PTPRD: variants seen among roughly 807,000 people sequenced by gnomAD.
PTPRD encodes protein tyrosine phosphatase receptor type D.
In PTPRD, 34 loss-of-function variants were observed where a neutral mutation model predicts 214.5. The ratio of observed to expected loss-of-function variants is 0.16; its 90% CI spans 0.12 to 0.21. The LOEUF (loss-of-function observed/expected upper bound fraction) is 0.21, where lower values mean the gene tolerates loss of function less well. PTPRD is among the 10% of genes least tolerant of loss of function. The pLI, the probability that PTPRD is intolerant of heterozygous loss-of-function variation, is 1.00. For synonymous variants in PTPRD, 1,128 were observed against 845.7 expected (o/e 1.33, Z -5.79); for missense variants, 2,545 against 2,398.7 (o/e 1.06, Z -1.27).
At chr9:10,559,086 T>G (rs961725364) in intron 2 of PTPRD, among the ~76,000 whole-genome samples, 7 of 152,078 alleles carry the variant, frequency 4.6e-5, no homozygotes, top group African/African-American at 1.7e-4. Context: ...ACAAATGTAA[T>G]ATGAGTTAAA....
At chr9:9,436,673 T>C (rs529474318) in intron 8 of PTPRD, among the ~76,000 whole-genome samples, 53 of 150,668 alleles carry the variant, frequency 3.5e-4, no homozygotes, top group African/African-American at 1.1e-3. Context: ...ATTTCAGGAA[T>C]TGAAAAAAAA....
intron 5 of PTPRD, among the ~76,000 whole-genome samples, chr9:9,901,466 TACATTAAC>T (rs2076380623): frequency 6.6e-6 from 1 of 152,066 alleles, no homozygotes; most frequent in African/African-American, 2.4e-5. Context: ...AGGATGATGC[TACATTAAC>T]ACAGTAATTT....
intron 4 of PTPRD, among the ~76,000 whole-genome samples, chr9:9,971,571 G>C (rs1357213038): frequency 6.6e-6 from 1 of 152,148 alleles, no homozygotes; most frequent in African/African-American, 2.4e-5. Context: ...TTATGGCATA[G>C]GATTCAATTA....
chr9:8,620,192 T>C (rs1158638577), intron 14 of PTPRD, among the ~76,000 whole-genome samples: 1 of 152,070 alleles, frequency 6.6e-6, no homozygotes, highest in East Asian at 1.9e-4. Context: ...TCTTTGCTTT[T>C]CTAATTGCCA....
chr9:8,429,596 C>A (rs527812814), intron 35 of PTPRD, among the ~76,000 whole-genome samples: 28 of 152,108 alleles, frequency 1.8e-4, no homozygotes, highest in Non-Finnish European at 3.7e-4. Flanking sequence ...AAGGACAGGG[C>A]TCTGATATCT....
At chr9:8,658,979 A>G (rs1366797292) in intron 12 of PTPRD, among the ~76,000 whole-genome samples, 1 of 152,156 alleles carries the variant, frequency 6.6e-6, no homozygotes, top group East Asian at 1.9e-4. Flanking sequence ...CTAATCGTTC[A>G]TGATTATATT....
intron 8 of PTPRD, among the ~76,000 whole-genome samples, chr9:9,416,630 T>G (rs1361406579): frequency 2.0e-5 from 3 of 152,148 alleles, no homozygotes; most frequent in Non-Finnish European, 4.4e-5. Context: ...CTCAAGGACG[T>G]GCTCTCCCTT....
intron 11 of PTPRD, among the ~76,000 whole-genome samples, chr9:8,977,653 G>GT (rs2099275524): frequency 1.4e-5 from 2 of 139,996 alleles, no homozygotes; most frequent in Non-Finnish European, 1.5e-5. Context: ...ATACTATTCT[G>GT]TAACAAGGAG....
rs112847506 is a variant in PTPRD, at chr9:9,579,673, C to G, written c.-286-4892G>C. 2.5e-3 allele frequency among the ~76,000 whole-genome samples: 376 copies of G among 152,186 alleles called. 1 individual carries two copies. Among genetic ancestry groups the G allele is most frequent in the African/African-American group, 8.4e-3 (349 of 41,538 alleles). On this transcript the variant is annotated intron_variant, in intron 7 of 45. Transcript: ENST00000381196. Reference sequence around the variant, plus strand: ...AGTTGAGTTTTAAGCACAAACTCTCCTACCCTTCAGTTAGATGTAGCTTAG... The same window carrying G: ...AGTTGAGTTTTAAGCACAAACTCTCGTACCCTTCAGTTAGATGTAGCTTAG...
intron 2 of PTPRD, among the ~76,000 whole-genome samples, chr9:10,382,779 G>A (rs950281282): frequency 4.0e-5 from 6 of 151,634 alleles, no homozygotes; most frequent in African/African-American, 1.2e-4. Context: ...TAAATATAAC[G>A]GCATTTGTCA....
intron 2 of PTPRD, among the ~76,000 whole-genome samples, chr9:10,519,746 T>C (rs1162807260): frequency 6.6e-6 from 1 of 152,096 alleles, no homozygotes; most frequent in Non-Finnish European, 1.5e-5. Context: ...TATTATTATA[T>C]CTGTTACGGT....
chr9:10,133,335 A>G (rs1293737821), intron 3 of PTPRD, among the ~76,000 whole-genome samples: 1 of 152,172 alleles, frequency 6.6e-6, no homozygotes, highest in Non-Finnish European at 1.5e-5. Context: ...AGTACACCAA[A>G]TATGGACTAG....
intron 3 of PTPRD, among the ~76,000 whole-genome samples, chr9:10,240,651 C>A (rs935612492): frequency 1.3e-5 from 2 of 151,738 alleles, no homozygotes; most frequent in Admixed American, 1.3e-4. Flanking sequence ...AAGGATAATA[C>A]AAAATGACAA....
chr9:9,108,628 G>T (rs892359603), intron 10 of PTPRD, among the ~76,000 whole-genome samples: 34 of 152,156 alleles, frequency 2.2e-4, no homozygotes, highest in African/African-American at 7.5e-4. Flanking sequence ...AAAAACAGTT[G>T]GAAAGTTATC....
At chr9:10,425,937 T>C (rs1200388476) in intron 2 of PTPRD, among the ~76,000 whole-genome samples, 1 of 152,010 alleles carries the variant, frequency 6.6e-6, no homozygotes, top group Non-Finnish European at 1.5e-5. Context: ...AGATCGTATA[T>C]AGACAATATT....
intron 3 of PTPRD, among the ~76,000 whole-genome samples, chr9:10,166,078 TATAA>T (rs1249883150): frequency 6.7e-6 from 1 of 150,100 alleles, no homozygotes; most frequent in Non-Finnish European, 1.5e-5. Context: ...ATGCATAATA[TATAA>T]ATACATAAAC....
At chr9:8,473,762 C>T (rs967483892) in intron 30 of PTPRD, among the ~76,000 whole-genome samples, 1 of 152,154 alleles carries the variant, frequency 6.6e-6, no homozygotes, top group Non-Finnish European at 1.5e-5. Context: ...AAGAATTGAA[C>T]AGCCTCCCCC....
chr9:8,882,236 T>G (rs1164824900), intron 11 of PTPRD, among the ~76,000 whole-genome samples: 3 of 152,194 alleles, frequency 2.0e-5, no homozygotes, highest in African/African-American at 7.2e-5. Context: ...TCATTTCTCC[T>G]GGATTAGATT....
At chr9:10,426,202 C>G (rs1358134686) in intron 2 of PTPRD, among the ~76,000 whole-genome samples, 1 of 151,934 alleles carries the variant, frequency 6.6e-6, no homozygotes, top group East Asian at 1.9e-4. Flanking sequence ...ATCAGCAACT[C>G]TTGCTTTTTA....
Sources: allele counts gnomAD v4.1 joint callset (sites outside exome capture counted in the v4.1 genomes callset), GRCh38; gene constraint gnomAD v4.1.1; transcripts MANE v1.5; gene names NCBI Gene and HGNC (gene_info 2026-07-23, HGNC 2026-07-21).